The following SUGCT variants were observed in gnomAD, a reference collection of about 807,000 sequenced individuals.
The protein encoded by SUGCT is succinyl-CoA:glutarate CoA-transferase.
In SUGCT, 41 loss-of-function variants were observed where a neutral mutation model predicts 55.0. The observed-to-expected ratio is 0.74, with a 90% CI of 0.58 to 0.97. The LOEUF is 0.97. Among genes scored for constraint, SUGCT ranks in the 50% least tolerant of loss-of-function variants. SUGCT has a pLI of 0.00. For synonymous variants in SUGCT, 187 were observed against 200.4 expected (o/e 0.93, Z 0.56); for missense variants, 568 against 547.8 (o/e 1.04, Z -0.37).
chr7:40,692,665 A>G (rs772758421), intron 12 of SUGCT, among the ~76,000 whole-genome samples: 1 of 152,198 alleles, frequency 6.6e-6, no homozygotes, highest in Non-Finnish European at 1.5e-5. Flanking sequence ...GGACACCGGG[A>G]TAGTTGTACT....
intron 9 of SUGCT, among the ~76,000 whole-genome samples, chr7:40,380,110 A>T (rs1027520459): frequency 6.6e-6 from 1 of 152,202 alleles, no homozygotes; most frequent in Non-Finnish European, 1.5e-5. Context: ...CATAGGTCAA[A>T]TAATGACAAT....
intron 9 of SUGCT, among the ~76,000 whole-genome samples, chr7:40,386,891 C>T (rs190962213): frequency 6.6e-6 from 1 of 152,302 alleles, no homozygotes; most frequent in Admixed American, 6.5e-5. Context: ...AGCCCTTCCT[C>T]AAGCTTGGGG....
chr7:40,643,491 G>A (rs1027588809), intron 12 of SUGCT, among the ~76,000 whole-genome samples: 2 of 152,138 alleles, frequency 1.3e-5, no homozygotes, highest in African/African-American at 2.4e-5. Context: ...TCTTAGTTGA[G>A]CCTGGACTTC....
intron 8 of SUGCT, among the ~76,000 whole-genome samples, chr7:40,293,351 A>C (rs1793910022): frequency 6.6e-6 from 1 of 152,118 alleles, no homozygotes; most frequent in African/African-American, 2.4e-5. Flanking sequence ...TGCCCATTGG[A>C]ATCACCTGTG....
chr7:40,800,256 G>C (rs549644390), intron 13 of SUGCT, among the ~76,000 whole-genome samples: 2 of 151,446 alleles, frequency 1.3e-5, no homozygotes, highest in South Asian at 2.1e-4. Context: ...AGGCAGGAGT[G>C]GGGGCAGGGT....
intron 6 of SUGCT, among the ~76,000 whole-genome samples, chr7:40,224,136 A>C (rs145685894): frequency 6.6e-6 from 1 of 152,308 alleles, no homozygotes; most frequent in East Asian, 1.9e-4. Flanking sequence ...AAAATATTTA[A>C]CAATGGTAAT....
intron 13 of SUGCT, among the ~76,000 whole-genome samples, chr7:40,833,132 C>T (rs892132977): frequency 2.0e-5 from 3 of 151,924 alleles, no homozygotes; most frequent in African/African-American, 7.3e-5. Context: ...GGAATCTGAT[C>T]AGTACTGTTT....
chr7:40,560,733 G>A (rs553924110), intron 12 of SUGCT, among the ~76,000 whole-genome samples: 37 of 152,322 alleles, frequency 2.4e-4, no homozygotes, highest in African/African-American at 8.4e-4. Context: ...CATGGTAAAA[G>A]TTTGTTGATG....
chr7:40,750,548 A>G (rs922050399), intron 13 of SUGCT, among the ~76,000 whole-genome samples: 2 of 152,202 alleles, frequency 1.3e-5, no homozygotes, highest in African/African-American at 2.4e-5. Context: ...TTATTGAAGG[A>G]CTATTCTTGT....
intron 6 of SUGCT, among the ~76,000 whole-genome samples, chr7:40,224,986 G>A (rs1788247108): frequency 6.6e-6 from 1 of 152,210 alleles, no homozygotes; most frequent in Non-Finnish European, 1.5e-5. Context: ...CTGCAGTGGG[G>A]TACCATGAGG....
intron 13 of SUGCT, among the ~76,000 whole-genome samples, chr7:40,836,800 T>C (rs1793005445): frequency 6.6e-6 from 1 of 152,258 alleles, no homozygotes; most frequent in Admixed American, 6.5e-5. Context: ...TTCCTTTCAT[T>C]GCTGGATAGT....
At chr7:40,826,322 T>C (rs1162758076) in intron 13 of SUGCT, among the ~76,000 whole-genome samples, 1 of 151,928 alleles carries the variant, frequency 6.6e-6, no homozygotes, top group Non-Finnish European at 1.5e-5. Flanking sequence ...CATAAGATTA[T>C]ATTTTATGAT....
the SUGCT span, among the ~76,000 whole-genome samples, chr7:41,008,751 C>T: frequency 6.6e-6 from 1 of 151,978 alleles, no homozygotes; most frequent in African/African-American, 2.4e-5. Context: ...GGCAAATGCG[C>T]CCTTCCCTGG....
intron 13 of SUGCT, among the ~76,000 whole-genome samples, chr7:40,853,673 G>A (rs1036089506): frequency 6.6e-6 from 1 of 152,102 alleles, no homozygotes; most frequent in Admixed American, 6.5e-5. Flanking sequence ...CCTGATATAA[G>A]CTCTTGTACT....
chr7:40,470,747 GTCTCTCTCTCTCTC>G lies in SUGCT; in HGVS notation c.986+11569_986+11582del, dbSNP rs34012862. On this transcript the variant is annotated intron_variant, in intron 11 of 13. Transcript: ENST00000335693. ...GCTAGGAAAAGAAACTAAGTGAACA[GTCTCTCTCTCTCTC>G]TCTCTCTCTCTCTCTCTCTGTCTTT... 1.8e-4 allele frequency among the ~76,000 whole-genome samples: 27 copies of G among 146,384 alleles called. No individual in the cohort carries two copies. In the East Asian group the frequency reaches 2.5e-3, roughly 13 times the overall value.
Position 40,707,046 on chromosome 7 carries a change from G to C in SUGCT, c.1090-42388G>C, listed in dbSNP as rs1227745204. The stretch of plus-strand genomic sequence containing the variant: ...AACAAGAGCATCTCTGTGTTAGCAT[G>C]TCCTAGCAGCTTCCTCGGATACCTG... On this transcript the variant is annotated intron_variant, in intron 12 of 13. Coordinates refer to ENST00000335693, the MANE Select transcript of SUGCT (RefSeq NM_001193313.2). 1.3e-5 allele frequency among the ~76,000 whole-genome samples: 2 copies of C among 152,114 alleles called. 1 individual carries two copies. The highest frequency in any genetic ancestry group is 2.9e-5 in the Non-Finnish European group (2 of 68,034).
At chr7:40,811,031 T>C (rs894763968) in intron 13 of SUGCT, among the ~76,000 whole-genome samples, 3 of 152,218 alleles carry the variant, frequency 2.0e-5, no homozygotes, top group Non-Finnish European at 4.4e-5. Flanking sequence ...CTTTCCCCAT[T>C]GCTTATTTTA....
Position 40,235,035 on chromosome 7 carries a change from C to T in SUGCT, c.485-2600C>T, listed in dbSNP as rs538056530. 3.3e-5 allele frequency among the ~76,000 whole-genome samples: 5 copies of T among 151,740 alleles called. No homozygotes were observed. In the East Asian group the frequency reaches 9.7e-4, roughly 29 times the overall value. Reference sequence around the variant, plus strand: ...ACCATGAATAATTATTGAAGTTGACCGATGGGTTTATTATATATTCTATCT... The same window carrying T: ...ACCATGAATAATTATTGAAGTTGACTGATGGGTTTATTATATATTCTATCT... On this transcript the variant is annotated intron_variant, in intron 6 of 13. Coordinates refer to ENST00000335693, the MANE Select transcript of SUGCT (RefSeq NM_001193313.2).
chr7:40,516,152 C>T (rs547773485), intron 12 of SUGCT, among the ~76,000 whole-genome samples: 28 of 151,964 alleles, frequency 1.8e-4, no homozygotes, highest in South Asian at 4.2e-4. Context: ...GACGCGTTGT[C>T]TGCTTTGAAA....
Sources: gnomAD v4.1 joint callset for allele counts (sites outside exome capture counted in the v4.1 genomes callset) on GRCh38, gnomAD v4.1.1 for gene constraint, MANE v1.5 for transcripts, NCBI Gene and HGNC (gene_info 2026-07-23, HGNC 2026-07-21) for gene names.